SHOC2: variants seen among roughly 807,000 people sequenced by gnomAD.
The protein encoded by SHOC2 is leucine-rich repeat protein SHOC-2.
A neutral mutation model predicts 50.2 loss-of-function variants in SHOC2; 4 were observed. The ratio of observed to expected loss-of-function variants is 0.08; its 90% CI spans 0.04 to 0.18. The LOEUF is 0.18. SHOC2 is among the 10% of genes least tolerant of loss of function. The pLI, the probability that SHOC2 is intolerant of heterozygous loss-of-function variation, is 1.00. For synonymous variants in SHOC2, 218 were observed against 244.5 expected (o/e 0.89, Z 1.01); for missense variants, 388 against 669.6 (o/e 0.58, Z 4.64).
intron 1 of SHOC2, among the ~76,000 whole-genome samples, chr10:110,933,664 T>C (rs555037050): frequency 2.0e-5 from 3 of 152,262 alleles, no homozygotes; most frequent in African/African-American, 7.2e-5. Context: ...CTGGGCGCAG[T>C]GGCATGCACC....
intron 3 of SHOC2, among the ~76,000 whole-genome samples, chr10:110,986,479 T>G (rs1057113794): frequency 2.0e-5 from 3 of 152,112 alleles, no homozygotes; most frequent in Non-Finnish European, 2.9e-5. Context: ...ATTTTTTAAT[T>G]TTTATTTTTT....
At chr10:110,999,736 C>CAAAAAAAAAAAAAAAA (rs145780250) in intron 3 of SHOC2, among the ~76,000 whole-genome samples, 20 of 81,634 alleles carry the variant, frequency 2.4e-4, no homozygotes, top group Non-Finnish European at 3.4e-4. Flanking sequence ...GACTCAGTCT[C>CAAAAAAAAAAAAAAAA]AAAAAAAAAA....
At chr10:110,956,861 T>C (rs547401197) in intron 1 of SHOC2, among the ~76,000 whole-genome samples, 149 of 152,268 alleles carry the variant, frequency 9.8e-4, no homozygotes, top group African/African-American at 3.4e-3. Flanking sequence ...CCTTTTAATA[T>C]ATTGCCAGTG....
intron 1 of SHOC2, among the ~76,000 whole-genome samples, chr10:110,950,809 A>T (rs1847336749): frequency 1.3e-5 from 2 of 152,226 alleles, no homozygotes; most frequent in South Asian, 2.1e-4. Context: ...GAATATCCAT[A>T]TGCAGAAGCA....
intron 1 of SHOC2, among the ~76,000 whole-genome samples, chr10:110,925,692 A>G (rs1300650853): frequency 6.6e-6 from 1 of 152,188 alleles, no homozygotes; most frequent in Non-Finnish European, 1.5e-5. Flanking sequence ...CCTGAGCTCA[A>G]ACAATCCACC....
chr10:110,931,888 G>C (rs781313314), intron 1 of SHOC2, among the ~76,000 whole-genome samples: 10 of 152,060 alleles, frequency 6.6e-5, no homozygotes, highest in South Asian at 6.2e-4. Flanking sequence ...AAGGCAGAAG[G>C]GTTCCTGTTT....
intron 3 of SHOC2, among the ~76,000 whole-genome samples, chr10:110,986,586 G>A (rs1049920395): frequency 6.6e-6 from 1 of 152,044 alleles, no homozygotes; most frequent in Non-Finnish European, 1.5e-5. Flanking sequence ...CGATTCTCCT[G>A]CTTCAGCCTC....
chr10:111,004,378 C>T (rs916572608), intron 4 of SHOC2, among the ~76,000 whole-genome samples: 3 of 152,198 alleles, frequency 2.0e-5, no homozygotes, highest in Non-Finnish European at 2.9e-5. Context: ...CTGTTTCCTC[C>T]TATAAAATCT....
chr10:111,007,310 A>C (rs183289099), intron 5 of SHOC2, among the ~76,000 whole-genome samples: 19 of 152,322 alleles, frequency 1.2e-4, no homozygotes, highest in African/African-American at 4.3e-4. Context: ...CACATAAGGA[A>C]CAAACTTCCA....
chr10:110,994,057 C>T (rs1848227691), intron 3 of SHOC2, among the ~76,000 whole-genome samples: 1 of 152,076 alleles, frequency 6.6e-6, no homozygotes, highest in Non-Finnish European at 1.5e-5. Context: ...AACTTTCTTC[C>T]ATAGGGAAAG....
At chr10:110,977,120 A>G (rs533991773) in intron 2 of SHOC2, among the ~76,000 whole-genome samples, 7 of 152,176 alleles carry the variant, frequency 4.6e-5, no homozygotes, top group Non-Finnish European at 1.0e-4. Flanking sequence ...TTTACCTTGA[A>G]CATATGGAGC....
intron 3 of SHOC2, 104 bp from the exon 4 acceptor site, chr10:111,000,311 A>G: frequency 9.0e-7 from 1 of 1,111,510 alleles, no homozygotes; most frequent in South Asian, 1.3e-5. Flanking sequence ...TTGCTGAAAC[A>G]GTACTTTGAA....
At chr10:110,927,074 C>CT (rs1208157431) in intron 1 of SHOC2, among the ~76,000 whole-genome samples, 3 of 152,120 alleles carry the variant, frequency 2.0e-5, no homozygotes, top group Non-Finnish European at 4.4e-5. Context: ...GACAAAATAA[C>CT]TAAGTATTTC....
At chr10:110,951,398 G>T (rs1847348716) in intron 1 of SHOC2, among the ~76,000 whole-genome samples, 1 of 152,090 alleles carries the variant, frequency 6.6e-6, no homozygotes, top group East Asian at 1.9e-4. Context: ...TGTAAGTGTT[G>T]GTGGGGATAT....
chr10:110,956,484 A>G (rs577621387), intron 1 of SHOC2, among the ~76,000 whole-genome samples: 132 of 152,270 alleles, frequency 8.7e-4, no homozygotes, highest in African/African-American at 3.1e-3. Context: ...GCTTCTTTGG[A>G]TATAGCTGCT....
chr10:110,982,917 C>G (rs1219778977), intron 2 of SHOC2, among the ~76,000 whole-genome samples: 4 of 152,036 alleles, frequency 2.6e-5, no homozygotes, highest in Non-Finnish European at 5.9e-5. Flanking sequence ...TAATTCATTT[C>G]TAAGCATTTG....
At chr10:111,010,789 T>C (rs566001545) in intron 8 of SHOC2, among the ~76,000 whole-genome samples, 3 of 152,336 alleles carry the variant, frequency 2.0e-5, no homozygotes, top group African/African-American at 7.2e-5. Context: ...CTCAAGTTTC[T>C]TACCTGTAAA....
In SHOC2 at chr10:111,001,549, G is replaced by A. The variant is rs149779525; in HGVS notation, c.972+1004G>A. ...CCACCTATTTTAGCATGTCGACAAT[G>A]GATGTTTGCTTATAGTTGTTCAAGC... On this transcript the variant is annotated intron_variant, in intron 4 of 8. Transcript: ENST00000369452. 1.8e-4 allele frequency among the ~76,000 whole-genome samples: 28 copies of A among 152,282 alleles called. No individual in the cohort carries two copies. The East Asian group carries it at 3.1e-3, about 17-fold the overall frequency.
chr10:110,985,452 A>G (rs1172236706), intron 2 of SHOC2, among the ~76,000 whole-genome samples, 176 bp from the exon 3 acceptor site: 9 of 152,020 alleles, frequency 5.9e-5, no homozygotes, highest in Non-Finnish European at 1.2e-4. Flanking sequence ...TTTTCTGGCA[A>G]TGCAAGTATG....
Sources: gnomAD v4.1 joint callset for allele counts (sites outside exome capture counted in the v4.1 genomes callset) on GRCh38, gnomAD v4.1.1 for gene constraint, MANE v1.5 for transcripts, NCBI Gene and HGNC (gene_info 2026-07-23, HGNC 2026-07-21) for gene names.